The following ARID4B variants were observed in gnomAD, a reference collection of about 807,000 sequenced individuals.
The protein encoded by ARID4B is AT-rich interaction domain 4B, also known as AT-rich interactive domain-containing protein 4B.
In ARID4B, 26 loss-of-function variants were observed where a neutral mutation model predicts 147.5. The ratio of observed to expected loss-of-function variants is 0.18; its 90% CI spans 0.13 to 0.24. ARID4B has a LOEUF of 0.24. Ranked by LOEUF, ARID4B falls within the 10% of genes least tolerant of loss-of-function variation. The pLI, the probability that ARID4B is intolerant of heterozygous loss-of-function variation, is 1.00. For synonymous variants in ARID4B, 512 were observed against 507.9 expected (o/e 1.01, Z -0.11); for missense variants, 1,179 against 1,511.5 (o/e 0.78, Z 3.65).
intron 11 of ARID4B, among the ~76,000 whole-genome samples, chr1:235,225,368 C>T (rs1261201129): frequency 6.6e-6 from 1 of 152,142 alleles, no homozygotes; most frequent in East Asian, 1.9e-4. Flanking sequence ...AAAATAGTTC[C>T]CCAATTTATC....
At chr1:235,263,456 G>C (rs1409925359) in intron 2 of ARID4B, among the ~76,000 whole-genome samples, 1 of 152,176 alleles carries the variant, frequency 6.6e-6, no homozygotes, top group Non-Finnish European at 1.5e-5. Context: ...CTGCAGATTT[G>C]CTTATTGGGC....
intron 11 of ARID4B, among the ~76,000 whole-genome samples, chr1:235,227,829 TA>T (rs1329397683): frequency 3.5e-5 from 5 of 143,830 alleles, no homozygotes; most frequent in African/African-American, 8.4e-5. Flanking sequence ...ACTTTTCTGC[TA>T]TTTTTTTTTT....
Position 235,167,700 on chromosome 1 carries a change from T to G in ARID4B, c.*825A>C, listed in dbSNP as rs562041179. ...ACATTTACAAGAAAACACAAAAATA[T>G]AACTGTTATAATTCATTATGAATAA... On this transcript the variant is annotated 3_prime_UTR_variant, in exon 24 of 24. Transcript: ENST00000264183. 2 of 200,218 alleles carry G rather than the reference T, an allele frequency of 1.0e-5. No homozygotes were observed. The highest frequency in any genetic ancestry group is 3.8e-4 in the South Asian group (2 of 5,212). 12.4% of individuals were successfully genotyped at this position (200,218 alleles called of 1,614,324 possible). A position where few individuals can be genotyped will look rare whatever the true frequency, so the allele number is the denominator to read the frequency against.
intron 2 of ARID4B, among the ~76,000 whole-genome samples, chr1:235,298,088 T>C (rs1469381282): frequency 6.6e-6 from 1 of 152,156 alleles, no homozygotes. Flanking sequence ...GTGTCAGAGA[T>C]ACATACCGAA....
chr1:235,214,953 T>A lies in ARID4B; in HGVS notation c.1584-927A>T, dbSNP rs372770381. The stretch of plus-strand genomic sequence containing the variant: ...GCCTCCCAGGTTCAAGCGATTCTCC[T>A]GCCTCAGCCTCCCAAGTAGCTGGGA... On this transcript the variant is annotated intron_variant, in intron 16 of 23. Coordinates refer to ENST00000264183, the MANE Select transcript of ARID4B (RefSeq NM_016374.6). Among the ~76,000 whole-genome samples, 27 of 150,244 alleles carry A rather than the reference T, an allele frequency of 1.8e-4. No homozygotes were observed. In the East Asian group the frequency reaches 3.4e-3, roughly 19 times the overall value.
At chr1:235,250,640 T>TACCTAG (rs1277611306) in intron 6 of ARID4B, among the ~76,000 whole-genome samples, 17 of 152,148 alleles carry the variant, frequency 1.1e-4, no homozygotes, top group African/African-American at 3.4e-4. Context: ...GGCTTAACCT[T>TACCTAG]TGTCCCGGTA....
At chr1:235,171,387 C>T (rs956734271) in intron 23 of ARID4B, among the ~76,000 whole-genome samples, 4 of 151,906 alleles carry the variant, frequency 2.6e-5, no homozygotes, top group African/African-American at 9.7e-5. Context: ...GAGCTGAGAT[C>T]GCGCCACTGC....
intron 2 of ARID4B, among the ~76,000 whole-genome samples, chr1:235,272,526 A>G (rs1671056969): frequency 6.6e-6 from 1 of 152,152 alleles, no homozygotes; most frequent in Admixed American, 6.5e-5. Context: ...GTCTTATATA[A>G]ACAGGTGAAA....
At chr1:235,255,287 C>CTCTA (rs1553304420) in intron 5 of ARID4B, among the ~76,000 whole-genome samples, 1,636 of 136,478 alleles carry the variant, frequency 0.012, 30 homozygotes, top group African/African-American at 0.032. Context: ...CTCTCTCTCT[C>CTCTA]TATATATATA....
intron 16 of ARID4B, among the ~76,000 whole-genome samples, chr1:235,215,776 C>CA (rs1667032804): frequency 6.6e-6 from 1 of 151,708 alleles, no homozygotes; most frequent in South Asian, 2.1e-4. Flanking sequence ...TTTGTAGAGA[C>CA]AGGGGTCTCA....
intron 11 of ARID4B, 141 bp downstream of exon 11, chr1:235,229,090 A>G: frequency 2.0e-6 from 2 of 981,636 alleles, no homozygotes; most frequent in East Asian, 2.6e-5. Flanking sequence ...TCTGATTATG[A>G]GGATCTCAAA....
intron 22 of ARID4B, 99 bp downstream of exon 22, chr1:235,175,085 G>A: frequency 3.7e-6 from 4 of 1,086,008 alleles, no homozygotes; most frequent in Non-Finnish European, 4.1e-6. Context: ...CCAGCCTGGT[G>A]ACAGAGCGAG....
chr1:235,256,016 G>A lies in ARID4B; in HGVS notation c.184-266C>T, dbSNP rs183702518. Among the ~76,000 whole-genome samples, 891 of 151,706 alleles carry A rather than the reference G, an allele frequency of 5.9e-3. 13 individuals carry two copies. The highest frequency in any genetic ancestry group is 0.02 in the African/African-American group (848 of 41,380). On this transcript the variant is annotated intron_variant, in intron 4 of 23. Transcript: ENST00000264183. ...TGGTGAAACCCCGTCTCTACCAAAAGTACAAAAATTGGGCAGGCGTGGTGG... is the reference window on the plus strand; with the variant it reads ...TGGTGAAACCCCGTCTCTACCAAAAATACAAAAATTGGGCAGGCGTGGTGG...
chr1:235,247,256 A>T (rs1280043005), intron 6 of ARID4B, among the ~76,000 whole-genome samples: 1 of 152,192 alleles, frequency 6.6e-6, no homozygotes, highest in Non-Finnish European at 1.5e-5. Context: ...GAACTATTTA[A>T]GACAGAGACT....
At chr1:235,319,421 A>G (rs562739616) in intron 2 of ARID4B, among the ~76,000 whole-genome samples, 1 of 152,302 alleles carries the variant, frequency 6.6e-6, no homozygotes, top group African/African-American at 2.4e-5. Context: ...TTGAAGCAGG[A>G]TCACATGAGC....
At chr1:235,265,656 G>A (rs759733607) in intron 2 of ARID4B, among the ~76,000 whole-genome samples, 5 of 151,432 alleles carry the variant, frequency 3.3e-5, no homozygotes, top group East Asian at 1.9e-4. Context: ...CAGAGATCGC[G>A]CCACCGCACT....
chr1:235,213,355 G>C (rs1458161147), intron 17 of ARID4B, among the ~76,000 whole-genome samples: 1 of 152,108 alleles, frequency 6.6e-6, no homozygotes, highest in African/African-American at 2.4e-5. Context: ...ATGTTTCCTA[G>C]GATTTTAAAT....
chr1:235,260,627 C>A lies in ARID4B; in HGVS notation c.117+15G>T. The A allele has an allele frequency of 6.5e-7, 1 of 1,535,768 alleles. No homozygotes were observed. Among genetic ancestry groups the A allele is most frequent in the Admixed American group, 2.0e-5 (1 of 49,924 alleles). ...ATGCTGAACATACAATTTATGAAATCTATAAATACTGTACCTTGACTTTGA... is the reference window on the plus strand; with the variant it reads ...ATGCTGAACATACAATTTATGAAATATATAAATACTGTACCTTGACTTTGA... On this transcript the variant is annotated intron_variant, in intron 3 of 23. Transcript: ENST00000264183.
intron 2 of ARID4B, among the ~76,000 whole-genome samples, chr1:235,292,187 G>A (rs1043751282): frequency 3.3e-5 from 5 of 152,102 alleles, no homozygotes; most frequent in Admixed American, 2.6e-4. Flanking sequence ...CATCCTGATT[G>A]TCCCCAAGAG....
Sources: gnomAD v4.1 joint callset for allele counts (sites outside exome capture counted in the v4.1 genomes callset) on GRCh38, gnomAD v4.1.1 for gene constraint, MANE v1.5 for transcripts, NCBI Gene and HGNC (gene_info 2026-07-23, HGNC 2026-07-21) for gene names.